The following CSTPP1 variants were observed in gnomAD, a reference collection of about 807,000 sequenced individuals.
CSTPP1 encodes the protein UPF0705 protein C11orf49.
chr11:46,965,147 T>A, the CSTPP1 span, among the ~76,000 whole-genome samples: 7 of 152,056 alleles, frequency 4.6e-5, no homozygotes, highest in African/African-American at 1.7e-4. Context: ...ATATTTGAAT[T>A]TAAAACAGAA....
At chr11:46,990,491 T>C in the CSTPP1 span, among the ~76,000 whole-genome samples, 1 of 152,106 alleles carries the variant, frequency 6.6e-6, no homozygotes, top group African/African-American at 2.4e-5. Context: ...TTAAATGGGG[T>C]TATTTCGTTT....
At chr11:47,011,171 T>C in the CSTPP1 span, among the ~76,000 whole-genome samples, 1 of 152,204 alleles carries the variant, frequency 6.6e-6, no homozygotes, top group African/African-American at 2.4e-5. Context: ...AAAATATACA[T>C]TTGTGTCAGT....
chr11:46,954,802 CTTTT>C, the CSTPP1 span, among the ~76,000 whole-genome samples: 5 of 137,970 alleles, frequency 3.6e-5, no homozygotes, highest in Non-Finnish European at 7.9e-5. Context: ...CATTTTCTTT[CTTTT>C]TTTTTTTTTT....
chr11:47,120,260 GT>G, the CSTPP1 span, among the ~76,000 whole-genome samples: 4 of 152,066 alleles, frequency 2.6e-5, no homozygotes, highest in Admixed American at 6.6e-5. This position sits in a 1 kb window ranked among gnomAD's most constrained non-coding sequence, Gnocchi z 4.2. Context: ...TTCATTGAAC[GT>G]TTTTTTAACT....
At chr11:46,962,386 T>C in the CSTPP1 span, among the ~76,000 whole-genome samples, 2 of 152,254 alleles carry the variant, frequency 1.3e-5, no homozygotes, top group Non-Finnish European at 2.9e-5. Context: ...AAATTTGTTC[T>C]TCTTTTTCGA....
chr11:46,973,786 G>GTGTGTA, the CSTPP1 span, among the ~76,000 whole-genome samples: 1 of 151,608 alleles, frequency 6.6e-6, no homozygotes, highest in South Asian at 2.1e-4. Flanking sequence ...GTGTATGTGT[G>GTGTGTA]TGTGTGTGTG....
chr11:47,075,926 C>CAAA, the CSTPP1 span, among the ~76,000 whole-genome samples: 12 of 35,812 alleles, frequency 3.4e-4, no homozygotes, highest in Non-Finnish European at 3.9e-4. Context: ...GATTCATTCT[C>CAAA]AAAAAAAAAA....
the CSTPP1 span, among the ~76,000 whole-genome samples, chr11:46,942,169 G>A: frequency 2.8e-4 from 43 of 152,330 alleles, no homozygotes; most frequent in African/African-American, 9.1e-4. Flanking sequence ...TCATCAGAAT[G>A]TAGTGATAAA....
At chr11:47,111,544 C>A in the CSTPP1 span, among the ~76,000 whole-genome samples, 1 of 152,072 alleles carries the variant, frequency 6.6e-6, no homozygotes, top group Admixed American at 6.6e-5. Flanking sequence ...CAGCCCTTAG[C>A]CAAGCCCACC....
the CSTPP1 span, among the ~76,000 whole-genome samples, chr11:47,071,407 C>T: frequency 1.3e-5 from 2 of 152,148 alleles, no homozygotes; most frequent in East Asian, 3.8e-4. Flanking sequence ...GGAGAATATA[C>T]TACTTCAGTG....
At chr11:46,983,700 C>A in the CSTPP1 span, among the ~76,000 whole-genome samples, 1 of 151,986 alleles carries the variant, frequency 6.6e-6, no homozygotes, top group Admixed American at 6.6e-5. Context: ...GAGCTTTGAA[C>A]TTCTGTCTCA....
chr11:46,976,828 CG>C, the CSTPP1 span, among the ~76,000 whole-genome samples: 3 of 152,104 alleles, frequency 2.0e-5, no homozygotes, highest in African/African-American at 7.2e-5. Context: ...CCCGAATCTA[CG>C]AGAAGTTGAC....
chr11:47,020,825 T>C, the CSTPP1 span, among the ~76,000 whole-genome samples: 1 of 152,190 alleles, frequency 6.6e-6, no homozygotes, highest in African/African-American at 2.4e-5. Context: ...TTTGGGGTGA[T>C]GGGTAAACAA....
the CSTPP1 span, among the ~76,000 whole-genome samples, chr11:46,992,004 G>A: frequency 6.6e-6 from 1 of 152,134 alleles, no homozygotes; most frequent in African/African-American, 2.4e-5. Context: ...GCATCCCAAA[G>A]TGTTGGGATT....
the CSTPP1 span, among the ~76,000 whole-genome samples, chr11:47,038,073 C>G: frequency 9.7e-6 from 1 of 102,918 alleles, no homozygotes; most frequent in Non-Finnish European, 2.5e-5. Flanking sequence ...CCCCTCACCT[C>G]CCGGATGGGG....
the CSTPP1 span, among the ~76,000 whole-genome samples, chr11:46,980,627 C>A: frequency 1.3e-5 from 2 of 151,934 alleles, no homozygotes; most frequent in African/African-American, 4.8e-5. Context: ...AAAAAAAAGC[C>A]ACAGATACAT....
the CSTPP1 span, chr11:47,162,140 G>A: frequency 0.018 from 17,939 of 985,858 alleles, 193 homozygotes; most frequent in Middle Eastern, 0.021. Context: ...ATGAAGGGTG[G>A]GCCAGAAGAT....
the CSTPP1 span, among the ~76,000 whole-genome samples, chr11:47,046,660 CTTT>C: frequency 7.5e-5 from 6 of 79,732 alleles, no homozygotes; most frequent in African/African-American, 1.0e-4. Flanking sequence ...ATCTTCTTTT[CTTT>C]TTTTTTTTTT....
chr11:47,000,429 A>G, the CSTPP1 span, among the ~76,000 whole-genome samples: 2 of 152,170 alleles, frequency 1.3e-5, no homozygotes, highest in African/African-American at 4.8e-5. Context: ...ACATACTAAT[A>G]TAGAAAAGAA....
Sources: allele counts gnomAD v4.1 joint callset (sites outside exome capture counted in the v4.1 genomes callset), GRCh38; gene constraint gnomAD v4.1.1; non-coding constraint Gnocchi (gnomAD v3.1); transcripts MANE v1.5; gene names NCBI Gene and HGNC (gene_info 2026-07-23, HGNC 2026-07-21).